Variants in IQSEC3 observed in about 807,000 individuals in gnomAD.
The protein encoded by IQSEC3 is IQ motif and Sec7 domain ArfGEF 3, also known as IQ motif and SEC7 domain-containing protein 3.
A neutral mutation model predicts 105.4 loss-of-function variants in IQSEC3; 50 were observed. The ratio of observed to expected loss-of-function variants is 0.47; its 90% confidence interval spans 0.38 to 0.60. The LOEUF is 0.60. IQSEC3 is among the 20% of genes least tolerant of loss of function. IQSEC3 has a pLI of 0.00. For missense variants in IQSEC3, 1,415 were observed against 1,630.0 expected (o/e 0.87, Z 2.27); for synonymous variants, 708 against 746.0 (o/e 0.95, Z 0.83).
At chr12:157,507 C>G in intron 6 of IQSEC3, 21 bp from the exon 7 acceptor site, 1 of 1,602,554 alleles carries the variant, frequency 6.2e-7, no homozygotes, top group Non-Finnish European at 8.5e-7. Context: ...AGCGTCCGCT[C>G]TGCATCTGAC....
At chr12:103,765 T>C (rs188839545) in intron 2 of IQSEC3, among the ~76,000 whole-genome samples, 276 of 694 alleles carry the variant, frequency 0.4, 14 homozygotes, top group Middle Eastern at 0.67. Context: ...TGGGGGGAGG[T>C]GGGGCTCAGG....
chr12:141,369 T>A, intron 5 of IQSEC3, 84 bp downstream of exon 5: 1 of 1,423,870 alleles, frequency 7.0e-7, no homozygotes, highest in Non-Finnish European at 9.7e-7. Flanking sequence ...CTTGGTGAAA[T>A]CCTCGCTCCA....
At chr12:98,789 A>G (rs1864321053) in intron 1 of IQSEC3, among the ~76,000 whole-genome samples, 1 of 152,264 alleles carries the variant, frequency 6.6e-6, no homozygotes, top group African/African-American at 2.4e-5. Context: ...GAACAGGGTC[A>G]TAAAGAACAA....
At chr12:132,781 C>T (rs1021173018) in intron 3 of IQSEC3, among the ~76,000 whole-genome samples, 22 of 152,160 alleles carry the variant, frequency 1.4e-4, no homozygotes, top group African/African-American at 5.3e-4. Flanking sequence ...AGAGGATACA[C>T]AGGCTGCTGG....
chr12:135,059 G>A (rs1420028827), intron 3 of IQSEC3, among the ~76,000 whole-genome samples: 1 of 152,252 alleles, frequency 6.6e-6, no homozygotes, highest in Non-Finnish European at 1.5e-5. Flanking sequence ...GAACCCAGGA[G>A]GCGGAGGTTA....
At chr12:86,388 G>A (rs1259081188) in intron 1 of IQSEC3, among the ~76,000 whole-genome samples, 5 of 152,100 alleles carry the variant, frequency 3.3e-5, no homozygotes, top group African/African-American at 1.2e-4. Context: ...TGGTGGTATG[G>A]GTACAGGCTT....
intron 1 of IQSEC3, among the ~76,000 whole-genome samples, chr12:71,719 G>A (rs1310910630): frequency 2.6e-5 from 4 of 152,270 alleles, no homozygotes; most frequent in Non-Finnish European, 4.4e-5. Context: ...CACTAGGTGA[G>A]GACAGTCTCA....
intron 1 of IQSEC3, among the ~76,000 whole-genome samples, chr12:83,535 G>A (rs564168096): frequency 1.0e-3 from 153 of 151,934 alleles, no homozygotes; most frequent in Non-Finnish European, 2.0e-3. Flanking sequence ...AAAGCGTTCC[G>A]TGTAAAGGCC....
chr12:139,574 A>C, intron 4 of IQSEC3: 1 of 442,558 alleles, frequency 2.3e-6, no homozygotes, highest in Non-Finnish European at 4.0e-6. Context: ...AGAAAGATTA[A>C]AGGAAAAAAA....
intron 2 of IQSEC3, among the ~76,000 whole-genome samples, chr12:106,242 T>C (rs1864645563): frequency 6.6e-6 from 1 of 152,246 alleles, no homozygotes; most frequent in South Asian, 2.1e-4. Flanking sequence ...AGCTAGGTTT[T>C]GAACCAGGTG....
chr12:128,087 C>A (rs571514078), intron 3 of IQSEC3, among the ~76,000 whole-genome samples: 3 of 152,280 alleles, frequency 2.0e-5, no homozygotes, highest in Admixed American at 6.5e-5. Flanking sequence ...CCCTCCACAC[C>A]CCTGCACTTG....
chr12:78,841 C>T (rs1447830108), intron 1 of IQSEC3, among the ~76,000 whole-genome samples: 4 of 152,036 alleles, frequency 2.6e-5, no homozygotes, highest in Non-Finnish European at 5.9e-5. Flanking sequence ...GGGCTCGACG[C>T]GGGGTGGTTG....
At chr12:151,479 A>G (rs1391538893) in intron 5 of IQSEC3, among the ~76,000 whole-genome samples, 1 of 152,130 alleles carries the variant, frequency 6.6e-6, no homozygotes, top group East Asian at 1.9e-4. Flanking sequence ...CCTTAGCCCA[A>G]GCCCCATTAT....
intron 13 of IQSEC3, among the ~76,000 whole-genome samples, chr12:174,092 G>A (rs1326934797): frequency 6.6e-6 from 1 of 152,162 alleles, no homozygotes; most frequent in Non-Finnish European, 1.5e-5. Flanking sequence ...TGGCATTCTG[G>A]GGTTTAAGCC....
chr12:90,722 C>G (rs1186473863), intron 1 of IQSEC3, among the ~76,000 whole-genome samples: 4 of 152,176 alleles, frequency 2.6e-5, no homozygotes, highest in Non-Finnish European at 5.9e-5. Context: ...ATTATGGTAG[C>G]TTCATTTTCA....
chr12:171,601 A>T (rs1939001488), intron 13 of IQSEC3: 2 of 530,464 alleles, frequency 3.8e-6, no homozygotes, highest in Non-Finnish European at 3.3e-6. Flanking sequence ...CCCTCGGAGA[A>T]TTACCCCTTA....
chr12:93,280 T>TAAGA (rs1473938419), intron 1 of IQSEC3, among the ~76,000 whole-genome samples: 1 of 152,070 alleles, frequency 6.6e-6, no homozygotes, highest in Non-Finnish European at 1.5e-5. Context: ...CCTCCTGAGG[T>TAAGA]AAGAAAGCCT....
rs192683732 is a variant in IQSEC3 at position 170,314 on chromosome 12, T to G, written c.3065-798T>G. 5.8e-3 allele frequency among the ~76,000 whole-genome samples: 876 copies of G among 152,280 alleles called. 9 individuals are homozygous for G. The highest frequency in any genetic ancestry group is 0.019 in the African/African-American group (807 of 41,540). ...TGTGTCATTCCCTGCCATTCCTTCC[T>G]GCCTCTCTTTTGGAAGCTGCCCGCC... On this transcript the variant is annotated intron_variant, in intron 12 of 13. Coordinates refer to ENST00000538872, the MANE Select transcript of IQSEC3 (RefSeq NM_001170738.2).
intron 2 of IQSEC3, among the ~76,000 whole-genome samples, chr12:123,019 T>C (rs919077517): frequency 2.0e-5 from 3 of 152,112 alleles, no homozygotes; most frequent in Non-Finnish European, 4.4e-5. Flanking sequence ...TTCCACGTGC[T>C]CCAGGGGAAG....
Sources: gnomAD v4.1 joint callset for allele counts (sites outside exome capture counted in the v4.1 genomes callset) on GRCh38, gnomAD v4.1.1 for gene constraint, MANE v1.5 for transcripts, NCBI Gene and HGNC (gene_info 2026-07-23, HGNC 2026-07-21) for gene names.